Variants in IFI6 observed in about 807,000 individuals in gnomAD.
The protein encoded by IFI6 is interferon alpha inducible protein 6.
In IFI6, 10 loss-of-function variants were observed where a neutral mutation model predicts 12.7. The observed-to-expected ratio is 0.79, with a 90% confidence interval of 0.49 to 1.33. IFI6 has a LOEUF of 1.33. Ranked by LOEUF, IFI6 falls within the 40% of genes most tolerant of loss-of-function variation. The pLI is 0.00. For missense variants in IFI6, 154 were observed against 180.4 expected (o/e 0.85, Z 0.84); for synonymous variants, 89 against 86.2 (o/e 1.03, Z -0.18).
intron 1 of IFI6, among the ~76,000 whole-genome samples, chr1:27,671,848 G>A (rs1160760377): frequency 6.6e-6 from 1 of 152,158 alleles, no homozygotes; most frequent in Non-Finnish European, 1.5e-5. Context: ...AGTAATTAAG[G>A]CTCCAAGAGG....
chr1:27,667,240 CAAAAAAAAAAAAAA>C (rs761365595), intron 4 of IFI6, among the ~76,000 whole-genome samples: 3 of 12,268 alleles, frequency 2.4e-4, no homozygotes, highest in South Asian at 8.2e-3. Context: ...CCCGTCTCTA[CAAAAAAAAAAAAAA>C]AAAAAAAAAA....
At chr1:27,667,240 CAAAAAAAAAAAA>C (rs761365595) in intron 4 of IFI6, among the ~76,000 whole-genome samples, 16 of 12,266 alleles carry the variant, frequency 1.3e-3, no homozygotes, top group South Asian at 8.3e-3. Flanking sequence ...CCCGTCTCTA[CAAAAAAAAAAAA>C]AAAAAAAAAA....
chr1:27,667,796 C>T (rs947865146), intron 4 of IFI6, among the ~76,000 whole-genome samples: 16 of 152,186 alleles, frequency 1.1e-4, no homozygotes, highest in Admixed American at 3.3e-4. Flanking sequence ...TCTGGCCGGA[C>T]GCGGTGACTC....
At chr1:27,667,174 T>A (rs1377577317) in intron 4 of IFI6, among the ~76,000 whole-genome samples, 1 of 125,216 alleles carries the variant, frequency 8.0e-6, no homozygotes, top group African/African-American at 3.1e-5. Context: ...GAGGCCAAAG[T>A]GGGAGGATTG....
At chr1:27,667,629 G>A (rs953540431) in intron 4 of IFI6, among the ~76,000 whole-genome samples, 4 of 152,266 alleles carry the variant, frequency 2.6e-5, no homozygotes, top group East Asian at 1.9e-4. Context: ...TCATCCCCAC[G>A]CACCGCTGAG....
intron 1 of IFI6, 142 bp from the exon 2 acceptor site, chr1:27,669,488 C>G: frequency 1.7e-6 from 1 of 596,102 alleles, no homozygotes; most frequent in Non-Finnish European, 3.0e-6. Flanking sequence ...TCAGGAGCCT[C>G]GGGAATCCGT....
chr1:27,668,849 C>A (rs2090377229), intron 2 of IFI6, among the ~76,000 whole-genome samples: 1 of 152,060 alleles, frequency 6.6e-6, no homozygotes, highest in Non-Finnish European at 1.5e-5. Context: ...ACCCTCTACA[C>A]CCCGGACCCT....
At chr1:27,669,377 G>C in intron 1 of IFI6, 31 bp from the exon 2 acceptor site, 1 of 1,417,896 alleles carries the variant, frequency 7.1e-7, no homozygotes, top group Non-Finnish European at 9.7e-7. Flanking sequence ...GATGGTCCCC[G>C]GAGCATTTTT....
intron 1 of IFI6, among the ~76,000 whole-genome samples, chr1:27,670,702 G>C (rs2090397826): frequency 6.6e-6 from 1 of 152,118 alleles, no homozygotes; most frequent in African/African-American, 2.4e-5. Flanking sequence ...CCACCCACTG[G>C]AGACCTCCTT....
In IFI6 at chr1:27,669,230, T is replaced by TACCCGCATTCTC; in HGVS notation, c.70+3_70+14dup. ...TTACCTGTCCCCTTACCTGCATCCT[T>TACCCGCATTCTC]ACCCGCATTCTCACCTGCCTCCACC... On this transcript the variant is annotated intron_variant, in intron 2 of 4. Coordinates refer to ENST00000361157, the MANE Select transcript of IFI6 (RefSeq NM_002038.4). 1 of 1,551,668 alleles carries TACCCGCATTCTC rather than the reference T, an allele frequency of 6.4e-7. No individual in the cohort carries two copies. Among genetic ancestry groups the TACCCGCATTCTC allele is most frequent in the Non-Finnish European group, 8.7e-7 (1 of 1,146,944 alleles).
chr1:27,671,675 C>T (rs1329728360), intron 1 of IFI6, among the ~76,000 whole-genome samples: 1 of 151,136 alleles, frequency 6.6e-6, no homozygotes, highest in Non-Finnish European at 1.5e-5. Flanking sequence ...CGTGAACCAC[C>T]ACGCCCGGCC....
At chr1:27,671,457 T>C (rs1232706029) in intron 1 of IFI6, among the ~76,000 whole-genome samples, 3 of 149,258 alleles carry the variant, frequency 2.0e-5, no homozygotes, top group Non-Finnish European at 4.4e-5. Context: ...CTCATCTCAC[T>C]GCAAGCTCCA....
At chr1:27,670,082 G>C (rs2090393094) in intron 1 of IFI6, 1 of 152,156 alleles carries the variant, frequency 6.6e-6, no homozygotes, top group African/African-American at 2.4e-5. Context: ...TGGGTAGATA[G>C]TGGCCGATCC....
intron 4 of IFI6, among the ~76,000 whole-genome samples, chr1:27,666,811 A>T (rs1192162715): frequency 1.3e-5 from 2 of 152,058 alleles, no homozygotes; most frequent in Admixed American, 6.5e-5. Context: ...TGTCACAGCT[A>T]TGTGCCATGT....
At chr1:27,669,172 C>T in intron 2 of IFI6, 73 bp downstream of exon 2, 1 of 1,491,374 alleles carries the variant, frequency 6.7e-7, no homozygotes, top group South Asian at 1.2e-5. Context: ...CGCATCCTTA[C>T]CTGCACCCTT....
At chr1:27,668,629 C>T in intron 2 of IFI6, 94 bp from the exon 3 acceptor site, 8 of 953,714 alleles carry the variant, frequency 8.4e-6, no homozygotes, top group African/African-American at 1.6e-5. Flanking sequence ...CTCCTGGAGG[C>T]GGGGGCCACC....
chr1:27,671,356 A>T (rs1199512357), intron 1 of IFI6, among the ~76,000 whole-genome samples: 1 of 151,776 alleles, frequency 6.6e-6, no homozygotes, highest in Non-Finnish European at 1.5e-5. Flanking sequence ...TTAAACCCAC[A>T]ATTGGCTAAT....
chr1:27,669,429 G>A, intron 1 of IFI6, 83 bp from the exon 2 acceptor site: 2 of 828,874 alleles, frequency 2.4e-6, no homozygotes, highest in South Asian at 1.5e-5. Context: ...AGTTCCAACT[G>A]AATCAGTAAA....
At chr1:27,666,609 T>C (rs917429112) in intron 4 of IFI6, 134 bp from the exon 5 acceptor site, 5 of 512,406 alleles carry the variant, frequency 9.8e-6, no homozygotes, top group Non-Finnish European at 1.3e-5. Context: ...GGGATGGCAC[T>C]ACTACAAAGT....
Sources: gnomAD v4.1 joint callset for allele counts (sites outside exome capture counted in the v4.1 genomes callset) on GRCh38, gnomAD v4.1.1 for gene constraint, MANE v1.5 for transcripts, NCBI Gene and HGNC (gene_info 2026-07-23, HGNC 2026-07-21) for gene names.